Variants in PHLPP2 observed in about 807,000 individuals in gnomAD.
PHLPP2 encodes PH domain leucine-rich repeat-containing protein phosphatase 2.
In PHLPP2, 66 loss-of-function variants were observed where a neutral mutation model predicts 124.9. The observed-to-expected ratio is 0.53, with a 90% CI of 0.43 to 0.65. The LOEUF is 0.65. Among genes scored for constraint, PHLPP2 ranks in the 30% least tolerant of loss-of-function variants. The probability of loss-of-function intolerance (pLI) is 0.00; values close to 1 mark genes in which losing one functional copy is unlikely to be tolerated. For missense variants in PHLPP2, 1,685 were observed against 1,600.4 expected (o/e 1.05, Z -0.90); for synonymous variants, 681 against 624.7 (o/e 1.09, Z -1.34).
chr16:71,713,487 C>T (rs2045336942), intron 2 of PHLPP2, among the ~76,000 whole-genome samples: 1 of 152,164 alleles, frequency 6.6e-6, no homozygotes, highest in Non-Finnish European at 1.5e-5. Context: ...ATCATACAGA[C>T]TCTCACATAT....
In PHLPP2 at chr16:71,679,513, T is replaced by A; in HGVS notation, c.913A>T (p.Asn305Tyr). The stretch of plus-strand genomic sequence containing the variant: ...AACCCAAGTTTATTATGGGACAAGT[T>A]CAGGCCCTTCAGTTGAGAAAATCTA... The part of the protein sequence containing the change: ...LYKFSQLKGL[N>Y]LSHNKLGLFP... The change falls in exon 7 of 19, where the codon AAC (asparagine) becomes TAC (tyrosine). Residue 305 changes from asparagine (N) to tyrosine (Y), a missense_variant. Asn to Tyr is a moderately radical substitution (Grantham distance 143). Transcript: ENST00000568954. 2 of 1,614,064 alleles carry A rather than the reference T, an allele frequency of 1.2e-6. No homozygotes were observed. The highest frequency in any genetic ancestry group is 1.7e-6 in the Non-Finnish European group (2 of 1,179,976).
At chr16:71,685,242 G>A (rs1426108696) in intron 4 of PHLPP2, among the ~76,000 whole-genome samples, 15 of 152,136 alleles carry the variant, frequency 9.9e-5, no homozygotes, top group Admixed American at 2.6e-4. Flanking sequence ...CAGGAGAATC[G>A]CTTGAACCCA....
intron 2 of PHLPP2, among the ~76,000 whole-genome samples, chr16:71,711,357 A>T (rs1014265330): frequency 6.6e-6 from 1 of 151,746 alleles, no homozygotes; most frequent in Non-Finnish European, 1.5e-5. Flanking sequence ...AATTAAGATG[A>T]TCCACTAAGT....
intron 3 of PHLPP2, among the ~76,000 whole-genome samples, chr16:71,701,350 C>T (rs1448902698): frequency 1.3e-5 from 2 of 150,870 alleles, no homozygotes; most frequent in South Asian, 2.1e-4. Flanking sequence ...CTACTACCTA[C>T]GTTTTGTTTT....
In PHLPP2 at chr16:71,678,690, A is replaced by G. The variant is rs535734196; in HGVS notation, c.1268+65T>C. On this transcript the variant is annotated intron_variant, in intron 8 of 18. Transcript: ENST00000568954. The stretch of plus-strand genomic sequence containing the variant: ...CCTAATGTTTTAAACAAATCTTCAT[A>G]AACAGAAGACATAAAGGTCCACCAG... The G allele has an allele frequency of 3.8e-4, 335 of 871,246 alleles. 2 individuals carry two copies. In the East Asian group the frequency reaches 6.5e-3, roughly 17 times the overall value. The allele number at this position is 871,246 out of a possible 1,614,324, so 54.0% of individuals were successfully genotyped here. A position where few individuals can be genotyped will look rare whatever the true frequency, so the allele number is the denominator to read the frequency against.
chr16:71,680,061 C>G (rs951387510), intron 6 of PHLPP2, among the ~76,000 whole-genome samples: 1 of 151,706 alleles, frequency 6.6e-6, no homozygotes, highest in African/African-American at 2.4e-5. Context: ...CCAGCCTGGG[C>G]CACAGAGTGA....
chr16:71,684,369 G>A (rs1025170021), intron 5 of PHLPP2, 107 bp downstream of exon 5: 22 of 1,088,840 alleles, frequency 2.0e-5, no homozygotes, highest in Admixed American at 1.1e-4. Flanking sequence ...CAGGTGATCC[G>A]TCCACCTCGG....
chr16:71,654,228 A>AC (rs1555544389), intron 17 of PHLPP2, among the ~76,000 whole-genome samples: 12 of 150,610 alleles, frequency 8.0e-5, no homozygotes. Context: ...AAAAAAAAAA[A>AC]CTAGTTCAAG....
In PHLPP2 at chr16:71,676,553, A is replaced by C. The variant is rs889513453; in HGVS notation, c.1365T>G (p.Asp455Glu). 1.2e-6 allele frequency: 2 copies of C among 1,613,990 alleles called. No individual in the cohort carries two copies. Among genetic ancestry groups the C allele is most frequent in the African/African-American group, 2.7e-5 (2 of 74,938 alleles). The change falls in exon 9 of 19, where the codon GAT (aspartate) becomes GAG (glutamate). Residue 455 changes from aspartate to glutamate, a missense_variant. By Grantham distance (45) the Asp-to-Glu change is conservative. Coordinates refer to ENST00000568954, the MANE Select transcript of PHLPP2 (RefSeq NM_015020.3). ...DLRDNRLTDL[D>E]LSSLCSLEQL... ...GTTCCAAGCTGCATAAGGAGCTAAG[A>C]TCCAAGTCAGTCAGTCGGTTGTCCC...
chr16:71,716,517 C>G (rs1359748024), intron 1 of PHLPP2, among the ~76,000 whole-genome samples: 1 of 152,106 alleles, frequency 6.6e-6, no homozygotes, highest in East Asian at 1.9e-4. Context: ...CAGCATTTGC[C>G]TGCTCTATTT....
At chr16:71,654,173 G>A (rs2044721214) in intron 17 of PHLPP2, among the ~76,000 whole-genome samples, 2 of 143,098 alleles carry the variant, frequency 1.4e-5, no homozygotes, top group Non-Finnish European at 3.0e-5. Flanking sequence ...CCAGCCTGGG[G>A]GACAGAGCAA....
intron 1 of PHLPP2, chr16:71,723,498 G>C (rs1244353958): frequency 6.2e-6 from 1 of 160,998 alleles, no homozygotes; most frequent in African/African-American, 2.4e-5. Flanking sequence ...GCCCAAAGGC[G>C]TGGGCCTGCG....
intron 2 of PHLPP2, among the ~76,000 whole-genome samples, chr16:71,703,370 T>A (rs1019790344): frequency 3.9e-5 from 6 of 152,150 alleles, no homozygotes; most frequent in Non-Finnish European, 7.4e-5. Context: ...CACCTTAAAA[T>A]AACTCCCTAA....
At chr16:71,712,422 C>T (rs1335039064) in intron 2 of PHLPP2, among the ~76,000 whole-genome samples, 3 of 152,160 alleles carry the variant, frequency 2.0e-5, no homozygotes, top group African/African-American at 7.2e-5. Context: ...TACACAACTA[C>T]TAGTAGCAAG....
At chr16:71,662,394 C>T (rs1385948782) in intron 13 of PHLPP2, among the ~76,000 whole-genome samples, 1 of 151,856 alleles carries the variant, frequency 6.6e-6, no homozygotes, top group African/African-American at 2.4e-5. Flanking sequence ...CACGCCACAG[C>T]ACTCCAGCCT....
At chr16:71,662,086 T>G (rs1405222797) in intron 13 of PHLPP2, among the ~76,000 whole-genome samples, 1 of 151,694 alleles carries the variant, frequency 6.6e-6, no homozygotes, top group Non-Finnish European at 1.5e-5. Flanking sequence ...CCTGCCAAAG[T>G]GCTGGGATTA....
chr16:71,716,406 A>C (rs977430881), intron 1 of PHLPP2, among the ~76,000 whole-genome samples: 7 of 152,234 alleles, frequency 4.6e-5, no homozygotes, highest in African/African-American at 1.2e-4. Flanking sequence ...AAAAAAAATT[A>C]ATGTCGCATT....
rs532159386 is a variant in PHLPP2, at chr16:71,708,663, G to A, written c.284+5849C>T. 1.0e-3 allele frequency among the ~76,000 whole-genome samples: 155 copies of A among 152,310 alleles called. 1 individual carries two copies. The highest frequency in any genetic ancestry group is 2.4e-4 in the Non-Finnish European group (16 of 68,028). On this transcript the variant is annotated intron_variant, in intron 2 of 18. Transcript: ENST00000568954. ...TAGCTGCGCCTGGTGTTGCGCGCCT[G>A]TAGTCCCAGCTACTCGGGAGGCTGA... is the stretch of plus-strand genomic sequence containing the variant.
intron 15 of PHLPP2, among the ~76,000 whole-genome samples, 161 bp downstream of exon 15, chr16:71,658,072 C>T (rs28556848): frequency 0.037 from 5,687 of 152,226 alleles, 352 homozygotes; most frequent in African/African-American, 0.13. Flanking sequence ...CTGGATAGAA[C>T]ATCTATTCAT....
Sources: gnomAD v4.1 joint callset for allele counts (sites outside exome capture counted in the v4.1 genomes callset) on GRCh38, gnomAD v4.1.1 for gene constraint, MANE v1.5 for transcripts, NCBI Gene and HGNC (gene_info 2026-07-23, HGNC 2026-07-21) for gene names.